Variants in IGFL2 observed in about 807,000 individuals in gnomAD.
IGFL2 encodes the protein insulin growth factor-like family member 2.
In IGFL2, 7 loss-of-function variants were observed where a neutral mutation model predicts 13.9. That is an observed-to-expected ratio of 0.51 (90% confidence interval 0.29 to 0.95). The LOEUF (loss-of-function observed/expected upper bound fraction) is 0.95, where lower values mean the gene tolerates loss of function less well. Ranked by LOEUF, IGFL2 falls within the 40% of genes least tolerant of loss-of-function variation. The pLI is 0.08. For missense variants in IGFL2, 138 were observed against 147.8 expected (o/e 0.93, Z 0.34); for synonymous variants, 55 against 55.8 (o/e 0.99, Z 0.07).
At chr19:46,200,220 G>A in the IGFL2 span, among the ~76,000 whole-genome samples, 38 of 151,972 alleles carry the variant, frequency 2.5e-4, no homozygotes, top group South Asian at 6.0e-3. Flanking sequence ...CCAGGCTGCA[G>A]TGCAGTGGTG....
the IGFL2 span, among the ~76,000 whole-genome samples, chr19:46,128,526 C>G: frequency 1.4e-4 from 21 of 152,206 alleles, no homozygotes; most frequent in African/African-American, 5.1e-4. Flanking sequence ...TCTTCAATAC[C>G]TAGTTTATTG....
chr19:46,201,785 G>A, the IGFL2 span, among the ~76,000 whole-genome samples: 1 of 152,164 alleles, frequency 6.6e-6, no homozygotes, highest in South Asian at 2.1e-4. Flanking sequence ...GGGGAGAAGG[G>A]CGGCACTGAG....
chr19:46,122,765 C>A, the IGFL2 span, among the ~76,000 whole-genome samples: 1 of 150,810 alleles, frequency 6.6e-6, no homozygotes, highest in Non-Finnish European at 1.5e-5. Context: ...CTCTTAAAAC[C>A]CCCAACAGAA....
the IGFL2 span, among the ~76,000 whole-genome samples, chr19:46,211,055 A>G: frequency 6.6e-6 from 1 of 152,192 alleles, no homozygotes; most frequent in African/African-American, 2.4e-5. Context: ...CATCCAAGCA[A>G]TAGCTCTGAA....
chr19:46,175,372 T>C, the IGFL2 span, among the ~76,000 whole-genome samples: 4 of 152,278 alleles, frequency 2.6e-5, no homozygotes. Context: ...CCAAAGTATC[T>C]AACTGTAGAG....
chr19:46,136,618 C>G, the IGFL2 span: 1 of 376,928 alleles, frequency 2.7e-6, no homozygotes, highest in Non-Finnish European at 5.1e-6. Context: ...ATCTCAGTAA[C>G]AGGAGGCTGT....
chr19:46,089,330 A>G, the IGFL2 span, among the ~76,000 whole-genome samples: 1 of 152,204 alleles, frequency 6.6e-6, no homozygotes, highest in South Asian at 2.1e-4. Context: ...TTTATGTCGC[A>G]TATCTCTTAA....
the IGFL2 span, among the ~76,000 whole-genome samples, chr19:46,117,166 TTCAG>T: frequency 6.6e-6 from 1 of 152,190 alleles, no homozygotes; most frequent in Non-Finnish European, 1.5e-5. Flanking sequence ...GCTAAGCCTA[TTCAG>T]TAAGTTTTTC....
chr19:46,164,966 C>T (rs529631336), downstream of IGFL2, among the ~76,000 whole-genome samples: 131 of 152,228 alleles, frequency 8.6e-4, 1 homozygote, highest in African/African-American at 3.0e-3. Flanking sequence ...ATGGTGTAGG[C>T]CTAACTGTGT....
the IGFL2 span, among the ~76,000 whole-genome samples, chr19:46,098,324 C>G: frequency 5.9e-5 from 9 of 152,124 alleles, no homozygotes; most frequent in Admixed American, 5.9e-4. Flanking sequence ...GGATTGCAAC[C>G]CCTGCTTTTT....
chr19:46,102,247 C>T, the IGFL2 span, among the ~76,000 whole-genome samples: 1 of 152,146 alleles, frequency 6.6e-6, no homozygotes. Flanking sequence ...TTTGTGTAAG[C>T]AATAAAGCTT....
chr19:46,122,426 AG>A, the IGFL2 span, among the ~76,000 whole-genome samples: 1 of 151,152 alleles, frequency 6.6e-6, no homozygotes, highest in Non-Finnish European at 1.5e-5. Flanking sequence ...TGGAACAAAT[AG>A]GTGAAGTCAT....
chr19:46,177,453 G>C, the IGFL2 span, among the ~76,000 whole-genome samples: 1 of 151,910 alleles, frequency 6.6e-6, no homozygotes, highest in Non-Finnish European at 1.5e-5. Context: ...CTAGGAATCA[G>C]GCAATGTAAT....
chr19:46,150,950 G>C (rs1452769086), intron 1 of IGFL2, among the ~76,000 whole-genome samples: 4 of 152,232 alleles, frequency 2.6e-5, no homozygotes, highest in African/African-American at 9.7e-5. Flanking sequence ...GCAGGTATGA[G>C]CCATCACGTC....
At chr19:46,094,489 G>A in the IGFL2 span, among the ~76,000 whole-genome samples, 1 of 150,756 alleles carries the variant, frequency 6.6e-6, no homozygotes, top group African/African-American at 2.4e-5. Context: ...CTGTAATTTT[G>A]TTTTTTTCTT....
At chr19:46,141,078 AAG>A (rs949692950), upstream of IGFL2, among the ~76,000 whole-genome samples, 31 of 152,190 alleles carry the variant, frequency 2.0e-4, no homozygotes, top group African/African-American at 7.5e-4. Context: ...GACCTGGAGG[AAG>A]AGAGTATTAT....
At chr19:46,100,022 A>G in the IGFL2 span, among the ~76,000 whole-genome samples, 1 of 152,062 alleles carries the variant, frequency 6.6e-6, no homozygotes. Flanking sequence ...AGCAGCTCCT[A>G]TGACCCTTTA....
upstream of IGFL2, among the ~76,000 whole-genome samples, chr19:46,138,333 G>A (rs1972696589): frequency 6.6e-6 from 1 of 152,168 alleles, no homozygotes; most frequent in Non-Finnish European, 1.5e-5. Flanking sequence ...CTAACCCTGG[G>A]GAGCTGGTAC....
the IGFL2 span, among the ~76,000 whole-genome samples, chr19:46,179,988 T>C: frequency 6.6e-6 from 1 of 152,072 alleles, no homozygotes; most frequent in Non-Finnish European, 1.5e-5. Flanking sequence ...CCCCAGGGTT[T>C]TCCCTCTTGT....
Sources: gnomAD v4.1 joint callset for allele counts (sites outside exome capture counted in the v4.1 genomes callset) on GRCh38, gnomAD v4.1.1 for gene constraint, MANE v1.5 for transcripts, NCBI Gene and HGNC (gene_info 2026-07-23, HGNC 2026-07-21) for gene names.